Variants in KCNMA1 observed in about 807,000 individuals in gnomAD.
KCNMA1 encodes Calcium-activated potassium channel subunit alpha-1.
Under a neutral mutation model 140.0 loss-of-function variants are expected in KCNMA1, and 29 were observed. The ratio of observed to expected loss-of-function variants is 0.21; its 90% CI spans 0.15 to 0.28. KCNMA1 has a LOEUF of 0.28. KCNMA1 is among the 10% of genes least tolerant of loss of function. The pLI, the probability that KCNMA1 is intolerant of heterozygous loss-of-function variation, is 1.00. For synonymous variants in KCNMA1, 612 were observed against 611.9 expected, an observed-to-expected ratio of 1.00 and a Z score of 0.00; for missense variants, 880 against 1,602.2, an observed-to-expected ratio of 0.55 and a Z score of 7.70.
At chr10:76,958,459 C>A (rs2069338656) in intron 20 of KCNMA1, among the ~76,000 whole-genome samples, 1 of 152,180 alleles carries the variant, frequency 6.6e-6, no homozygotes, top group Admixed American at 6.6e-5. Flanking sequence ...TGAGATATAT[C>A]TGCTGTTTCA....
chr10:77,076,900 T>C (rs2096415565), intron 13 of KCNMA1, among the ~76,000 whole-genome samples: 1 of 152,154 alleles, frequency 6.6e-6, no homozygotes, highest in African/African-American at 2.4e-5. Flanking sequence ...CGTTGTCCAA[T>C]TATGAAATCA....
chr10:77,549,388 A>G (rs893868830), intron 1 of KCNMA1, among the ~76,000 whole-genome samples: 1 of 152,208 alleles, frequency 6.6e-6, no homozygotes, highest in African/African-American at 2.4e-5. Context: ...CTCCTTCCCT[A>G]GTTCAATCAT....
chr10:77,370,109 T>C (rs1466022147), intron 2 of KCNMA1, among the ~76,000 whole-genome samples: 4 of 152,168 alleles, frequency 2.6e-5, no homozygotes, highest in Non-Finnish European at 5.9e-5. Flanking sequence ...CTGTTATCTT[T>C]TAATGGATTT....
intron 1 of KCNMA1, among the ~76,000 whole-genome samples, chr10:77,633,602 CCAAGCTG>C (rs2093439160): frequency 6.6e-6 from 1 of 152,190 alleles, no homozygotes; most frequent in African/African-American, 2.4e-5. Context: ...TGGGTAATTA[CCAAGCTG>C]TAATGGGATC....
chr10:77,001,462 T>C lies in KCNMA1; in HGVS notation c.2211A>G (p.Arg737=), dbSNP rs2086417640. The change falls in exon 19 of 28, where the codon AGA becomes AGG. Residue 737 remains arginine, a synonymous_variant. Coordinates refer to ENST00000286628, the MANE Select transcript of KCNMA1 (RefSeq NM_001161352.2). Reference sequence around the variant, plus strand: ...CAGAGACAGAAGAAAGTGGGAAGGCTCTCTCAAGGGTGTCCACGTTACCAC... The same window carrying C: ...CAGAGACAGAAGAAAGTGGGAAGGCCCTCTCAAGGGTGTCCACGTTACCAC... ...RVRGNVDTLE[R]AFPLSSVSVN... is the part of the protein sequence containing the mutation. The C allele has an allele frequency of 6.4e-7, 1 of 1,551,630 alleles. No individual in the cohort carries two copies.
intron 25 of KCNMA1, among the ~76,000 whole-genome samples, chr10:76,906,506 C>G (rs1347879326): frequency 6.6e-6 from 1 of 152,128 alleles, no homozygotes; most frequent in African/African-American, 2.4e-5. Flanking sequence ...ACAAATGAAG[C>G]AGTAAGCAGC....
intron 5 of KCNMA1, among the ~76,000 whole-genome samples, chr10:77,142,751 G>A (rs533646382): frequency 6.6e-6 from 1 of 152,108 alleles, no homozygotes; most frequent in Admixed American, 6.6e-5. Context: ...AGAACTACAG[G>A]TCCTACAAAC....
rs189580710 is a variant in KCNMA1, at chr10:77,131,642, C to T, written c.809-10594G>A. Reference sequence around the variant, plus strand: ...GACTGTTTCTTGAGCTGAGCGTTGGCTTCTCAAATGCATTCTCTTCGTGAA... The same window carrying T: ...GACTGTTTCTTGAGCTGAGCGTTGGTTTCTCAAATGCATTCTCTTCGTGAA... On this transcript the variant is annotated intron_variant, in intron 5 of 27. Coordinates refer to ENST00000286628, the MANE Select transcript of KCNMA1 (RefSeq NM_001161352.2). Among the ~76,000 whole-genome samples, 4 of 151,858 alleles carry T rather than the reference C, an allele frequency of 2.6e-5. No homozygotes were observed. In the East Asian group the frequency reaches 7.8e-4, roughly 30 times the overall value.
chr10:77,110,770 TC>T (rs2153880034), intron 7 of KCNMA1, among the ~76,000 whole-genome samples: 2 of 152,304 alleles, frequency 1.3e-5, no homozygotes, highest in African/African-American at 4.8e-5. Context: ...GATCTGCCTC[TC>T]CCACAGAAAT....
intron 2 of KCNMA1, among the ~76,000 whole-genome samples, chr10:77,396,120 A>G (rs2096044537): frequency 6.6e-6 from 1 of 152,226 alleles, no homozygotes; most frequent in African/African-American, 2.4e-5. Context: ...GAGTGTTAAA[A>G]CAATGCCAAT....
At chr10:77,636,765 G>A in intron 1 of KCNMA1, 1 of 1,461,964 alleles carries the variant, frequency 6.8e-7, no homozygotes, top group Non-Finnish European at 9.0e-7. Flanking sequence ...TTGCCCAAAG[G>A]ATTTTTCCCT....
At chr10:77,513,078 C>T (rs1603631427) in intron 1 of KCNMA1, among the ~76,000 whole-genome samples, 1 of 152,170 alleles carries the variant, frequency 6.6e-6, no homozygotes, top group East Asian at 1.9e-4. Flanking sequence ...CCATGGCCAA[C>T]AAAGCCCTGA....
chr10:77,069,491 A>G (rs2096098936), intron 14 of KCNMA1, among the ~76,000 whole-genome samples: 1 of 152,228 alleles, frequency 6.6e-6, no homozygotes, highest in South Asian at 2.1e-4. Context: ...TGTAGAGGGC[A>G]TGCCTTGAAG....
At chr10:77,191,279 T>G (rs2098936063) in intron 3 of KCNMA1, among the ~76,000 whole-genome samples, 1 of 152,170 alleles carries the variant, frequency 6.6e-6, no homozygotes, top group African/African-American at 2.4e-5. Context: ...CAGAAAAATA[T>G]TTTGTGAGCT....
intron 3 of KCNMA1, among the ~76,000 whole-genome samples, chr10:77,233,580 T>G (rs976181834): frequency 2.0e-5 from 3 of 152,130 alleles, no homozygotes; most frequent in African/African-American, 7.2e-5. Flanking sequence ...GTGAGCAAAC[T>G]CAGGACTGCG....
intron 25 of KCNMA1, among the ~76,000 whole-genome samples, chr10:76,892,623 A>G (rs2040656855): frequency 6.6e-6 from 1 of 152,208 alleles, no homozygotes; most frequent in Non-Finnish European, 1.5e-5. Flanking sequence ...AGAGGTAAGG[A>G]AAGATGCAAT....
At chr10:77,363,261 C>T (rs2094125356) in intron 2 of KCNMA1, among the ~76,000 whole-genome samples, 1 of 152,194 alleles carries the variant, frequency 6.6e-6, no homozygotes, top group Admixed American at 6.5e-5. Flanking sequence ...ACAGAGCTGA[C>T]ATCTTCTGGA....
chr10:77,491,785 A>G lies in KCNMA1; in HGVS notation c.379-87762T>C, dbSNP rs199628627. Among the ~76,000 whole-genome samples, 116 of 151,966 alleles carry G rather than the reference A, an allele frequency of 7.6e-4. 1 individual carries two copies. The East Asian group carries it at 0.019, about 25-fold the overall frequency. ...ATATACCACCAGGGAGTCTAATTTT[A>G]GTAGCCATTTGCCCCAGCAAAGCAC... is the stretch of plus-strand genomic sequence containing the variant. On this transcript the variant is annotated intron_variant, in intron 1 of 27. Transcript: ENST00000286628.
chr10:77,139,037 G>A (rs1172443731), intron 5 of KCNMA1, among the ~76,000 whole-genome samples: 2 of 152,194 alleles, frequency 1.3e-5, no homozygotes, highest in African/African-American at 4.8e-5. Context: ...ATTGGGGCAG[G>A]TGTCTCACTC....
Sources: allele counts gnomAD v4.1 joint callset (sites outside exome capture counted in the v4.1 genomes callset), GRCh38; gene constraint gnomAD v4.1.1; transcripts MANE v1.5; gene names NCBI Gene and HGNC (gene_info 2026-07-23, HGNC 2026-07-21).